PTPRD: variants seen among roughly 807,000 people sequenced by gnomAD.
PTPRD encodes receptor-type tyrosine-protein phosphatase delta.
In PTPRD, 34 loss-of-function variants were observed where a neutral mutation model predicts 214.5. The ratio of observed to expected loss-of-function variants is 0.16; its 90% CI spans 0.12 to 0.21. PTPRD has a LOEUF of 0.21. PTPRD is among the 10% of genes least tolerant of loss of function. PTPRD has a pLI of 1.00. For missense variants in PTPRD, 2,545 were observed against 2,398.7 expected (o/e 1.06, Z -1.27); for synonymous variants, 1,128 against 845.7 (o/e 1.33, Z -5.79).
chr9:10,438,572 C>T (rs936486955), intron 2 of PTPRD, among the ~76,000 whole-genome samples: 13 of 151,630 alleles, frequency 8.6e-5, no homozygotes, highest in African/African-American at 3.1e-4. Flanking sequence ...TGGTTGATTT[C>T]ACATTCCATT....
chr9:9,711,501 A>T (rs1026571083), intron 7 of PTPRD, among the ~76,000 whole-genome samples: 1 of 152,180 alleles, frequency 6.6e-6, no homozygotes, highest in African/African-American at 2.4e-5. Context: ...TAATAATAAT[A>T]ATTATAATTA....
chr9:8,798,291 T>C (rs952792937), intron 11 of PTPRD, among the ~76,000 whole-genome samples: 1 of 152,306 alleles, frequency 6.6e-6, no homozygotes, highest in African/African-American at 2.4e-5. Context: ...AGTCCAGTTC[T>C]CCAGCAACTC....
chr9:10,114,474 C>A (rs2098714679), intron 3 of PTPRD, among the ~76,000 whole-genome samples: 1 of 152,066 alleles, frequency 6.6e-6, no homozygotes, highest in South Asian at 2.1e-4. Flanking sequence ...AAATTATACT[C>A]TCTCGCTCGC....
At chr9:8,855,608 G>A (rs1228912274) in intron 11 of PTPRD, among the ~76,000 whole-genome samples, 1 of 152,084 alleles carries the variant, frequency 6.6e-6, no homozygotes, top group African/African-American at 2.4e-5. Flanking sequence ...AGGGCTATAA[G>A]AACAGATGAT....
At chr9:9,953,802 C>G (rs16924757) in intron 4 of PTPRD, among the ~76,000 whole-genome samples, 9,383 of 152,114 alleles carry the variant, frequency 0.062, 633 homozygotes, top group East Asian at 0.23. Flanking sequence ...CTACATAGCT[C>G]ACTCTTCCCG....
intron 3 of PTPRD, among the ~76,000 whole-genome samples, chr9:10,300,421 T>C (rs2095825961): frequency 6.6e-6 from 1 of 152,078 alleles, no homozygotes; most frequent in Non-Finnish European, 1.5e-5. Context: ...AACCATTCCC[T>C]CCCCTGGAAA....
intron 6 of PTPRD, among the ~76,000 whole-genome samples, chr9:9,762,240 T>C (rs897385694): frequency 1.2e-4 from 19 of 152,172 alleles, no homozygotes; most frequent in African/African-American, 4.3e-4. Context: ...TCCTGTCAAG[T>C]CCAAGAAGTC....
chr9:9,494,537 A>C (rs2096080441), intron 8 of PTPRD, among the ~76,000 whole-genome samples: 1 of 152,264 alleles, frequency 6.6e-6, no homozygotes, highest in Admixed American at 6.5e-5. Context: ...TTGCAAAGTC[A>C]GCACATAAAA....
At chr9:9,632,521 C>T (rs966671657) in intron 7 of PTPRD, among the ~76,000 whole-genome samples, 1 of 151,806 alleles carries the variant, frequency 6.6e-6, no homozygotes, top group South Asian at 2.1e-4. Flanking sequence ...ATATTAAAAA[C>T]AACTATATTG....
chr9:10,564,505 G>T (rs1185055511), intron 2 of PTPRD, among the ~76,000 whole-genome samples: 2 of 151,768 alleles, frequency 1.3e-5, no homozygotes, highest in African/African-American at 4.8e-5. Context: ...CCTGGAAGTG[G>T]CCATATTAGC....
At position 8,752,804 on chromosome 9, in the gene PTPRD, C is replaced by G. The variant is rs2093654034; in HGVS notation, c.-103-18858G>C. Among the ~76,000 whole-genome samples the G allele has an allele frequency of 3.3e-5, 5 of 152,082 alleles. No individual in the cohort carries two copies. The South Asian group carries it at 1.0e-3, about 32-fold the overall frequency. On this transcript the variant is annotated intron_variant, in intron 11 of 45. Coordinates refer to ENST00000381196, the MANE Select transcript of PTPRD (RefSeq NM_002839.4). ...ATCATGATCATCTAAGCTGGGCCAC[C>G]AACAGCAGAACCACCAAGTTGAGCC...
intron 2 of PTPRD, among the ~76,000 whole-genome samples, chr9:10,456,601 C>T (rs963144539): frequency 1.2e-4 from 18 of 151,832 alleles, no homozygotes; most frequent in African/African-American, 4.1e-4. Context: ...GGAAAAAGAA[C>T]ACAAATTCTG....
chr9:9,866,941 G>C (rs1010430002), intron 5 of PTPRD, among the ~76,000 whole-genome samples: 7 of 152,010 alleles, frequency 4.6e-5, no homozygotes, highest in African/African-American at 1.7e-4. Context: ...TGTAAGTACA[G>C]CTTATACTAA....
At chr9:9,032,366 T>C (rs1272585067) in intron 10 of PTPRD, among the ~76,000 whole-genome samples, 2 of 152,078 alleles carry the variant, frequency 1.3e-5, no homozygotes, top group African/African-American at 2.4e-5. Flanking sequence ...AGCCTGCCTA[T>C]GAGCCGTTAA....
intron 2 of PTPRD, among the ~76,000 whole-genome samples, chr9:10,466,496 G>T (rs1204401460): frequency 6.6e-6 from 1 of 151,726 alleles, no homozygotes; most frequent in Non-Finnish European, 1.5e-5. Context: ...GGTGGCGCAT[G>T]CCTGTAATCC....
chr9:8,410,645 A>G (rs2093436616), intron 35 of PTPRD, among the ~76,000 whole-genome samples: 1 of 152,202 alleles, frequency 6.6e-6, no homozygotes, highest in Admixed American at 6.5e-5. Context: ...TAGAAAATGT[A>G]TAAATATACC....
At chr9:10,303,012 T>A (rs1596513697) in intron 3 of PTPRD, among the ~76,000 whole-genome samples, 1 of 152,188 alleles carries the variant, frequency 6.6e-6, no homozygotes, top group Non-Finnish European at 1.5e-5. Flanking sequence ...TAAGTGGAAG[T>A]AAAACACTCC....
chr9:10,146,150 CAT>C (rs56191246), intron 3 of PTPRD, among the ~76,000 whole-genome samples: 59,702 of 147,212 alleles, frequency 0.41, 12,509 homozygotes, highest in Middle Eastern at 0.48. Context: ...TGAAATCATC[CAT>C]ATATATATAT....
In PTPRD at chr9:8,625,808, T is replaced by C. The variant is rs571951550; in HGVS notation, c.352+7509A>G. Among the ~76,000 whole-genome samples the C allele has an allele frequency of 2.6e-5, 4 of 151,774 alleles. No individual in the cohort carries two copies. In the East Asian group the frequency reaches 5.8e-4, roughly 22 times the overall value. On this transcript the variant is annotated intron_variant, in intron 14 of 45. Transcript: ENST00000381196. The stretch of plus-strand genomic sequence containing the variant: ...ATATAAATTAAAACACAGCTCATTT[T>C]GGAAGATGACAGATAAGAGAGTCTT...
Sources: allele counts gnomAD v4.1 joint callset (sites outside exome capture counted in the v4.1 genomes callset), GRCh38; gene constraint gnomAD v4.1.1; transcripts MANE v1.5; gene names NCBI Gene and HGNC (gene_info 2026-07-23, HGNC 2026-07-21).